The following VPS13C variants were observed in gnomAD, a reference collection of about 807,000 sequenced individuals.
VPS13C encodes vacuolar protein sorting 13 homolog C.
In VPS13C, 358 loss-of-function variants were observed where a neutral mutation model predicts 456.8. The observed-to-expected ratio is 0.78, with a 90% CI of 0.72 to 0.86. VPS13C has a LOEUF of 0.86. VPS13C is among the 40% of genes least tolerant of loss of function. VPS13C has a pLI of 0.00. For missense variants in VPS13C, 4,818 were observed against 4,385.4 expected (o/e 1.10, Z -2.79); for synonymous variants, 1,578 against 1,486.7 (o/e 1.06, Z -1.41).
At chr15:61,989,853 A>G (rs2046169683) in intron 18 of VPS13C, among the ~76,000 whole-genome samples, 1 of 152,192 alleles carries the variant, frequency 6.6e-6, no homozygotes, top group South Asian at 2.1e-4. Context: ...AGTGTTTTCC[A>G]CATTGGAAAA....
intron 6 of VPS13C, among the ~76,000 whole-genome samples, chr15:62,027,282 G>A (rs780827834): frequency 5.9e-5 from 9 of 151,818 alleles, no homozygotes; most frequent in Non-Finnish European, 1.0e-4. Flanking sequence ...TTCTTTTACG[G>A]TGACAGCTGT....
intron 53 of VPS13C, 73 bp from the exon 54 acceptor site, chr15:61,922,835 T>A (rs2043706484): frequency 8.5e-7 from 1 of 1,169,876 alleles, no homozygotes; most frequent in African/African-American, 1.6e-5. Flanking sequence ...TACATGATTT[T>A]AAGTGACATA....
intron 20 of VPS13C, among the ~76,000 whole-genome samples, 169 bp from the exon 21 acceptor site, chr15:61,982,742 G>A (rs966956355): frequency 6.6e-6 from 1 of 152,196 alleles, no homozygotes; most frequent in South Asian, 2.1e-4. Context: ...CTGGAGAAAG[G>A]AAGAGCCTAA....
intron 69 of VPS13C, among the ~76,000 whole-genome samples, chr15:61,882,063 T>G (rs1596286974): frequency 6.6e-6 from 1 of 151,912 alleles, no homozygotes; most frequent in African/African-American, 2.4e-5. Flanking sequence ...GTGTGCAGTA[T>G]GTACATCATT....
In VPS13C at chr15:61,925,485, T is replaced by G. The variant is rs747236478; in HGVS notation, c.6580A>C (p.Asn2194His). ...ATTATAAATTCTTTAACCATAATAT[T>G]TATATTTTGCTTTCCTGAAGCCCAC... ...CTWASGKQNI[N>H]IMVKEFIIKI... The change falls in exon 53 of 85, where the codon AAT (asparagine) becomes CAT (histidine). Residue 2194 changes from asparagine to histidine, a missense_variant. By Grantham distance (68) the Asn-to-His change is moderately conservative. Around this residue, in one of 3 missense-constraint regions of VPS13C, gnomAD observed 4,552 missense variants for 4,130.6 expected, o/e 1.10. Transcript: ENST00000644861. 1 of 1,599,918 alleles carries G rather than the reference T, an allele frequency of 6.3e-7. No homozygotes were observed. The highest frequency in any genetic ancestry group is 8.5e-7 in the Non-Finnish European group (1 of 1,172,170).
chr15:62,045,978 C>G (rs1362368613), intron 1 of VPS13C, among the ~76,000 whole-genome samples: 2 of 152,076 alleles, frequency 1.3e-5, no homozygotes, highest in African/African-American at 4.8e-5. Flanking sequence ...GCATTCCACA[C>G]ATACATAGAA....
chr15:61,927,062 C>T, intron 52 of VPS13C, 29 bp downstream of exon 52: 2 of 1,593,316 alleles, frequency 1.3e-6, no homozygotes, highest in Admixed American at 1.7e-5. Context: ...ATTCTTCAAC[C>T]CAAGATTAGG....
chr15:62,059,588 C>T (rs1374773937), intron 1 of VPS13C, among the ~76,000 whole-genome samples: 1 of 152,176 alleles, frequency 6.6e-6, no homozygotes, highest in Non-Finnish European at 1.5e-5. Flanking sequence ...TAATTAATGA[C>T]GATGCTGGTC....
At chr15:61,920,863 G>A (rs1040672455) in intron 55 of VPS13C, among the ~76,000 whole-genome samples, 15 of 151,988 alleles carry the variant, frequency 9.9e-5, no homozygotes, top group African/African-American at 2.4e-4. Context: ...TTAGAATTAC[G>A]CCATGAAATT....
intron 84 of VPS13C, 46 bp downstream of exon 84, chr15:61,854,825 G>GT (rs1893818082): frequency 1.3e-6 from 2 of 1,526,880 alleles, no homozygotes; most frequent in Non-Finnish European, 1.8e-6. Flanking sequence ...TTTTAAAAAA[G>GT]TATTTCAGCT....
intron 9 of VPS13C, among the ~76,000 whole-genome samples, chr15:62,019,179 T>G (rs569294144): frequency 7.9e-5 from 12 of 152,330 alleles, no homozygotes; most frequent in African/African-American, 2.6e-4. Flanking sequence ...TCTTCTCTCT[T>G]TTCTCCTTTA....
chr15:61,993,061 A>G (rs1337795898), intron 16 of VPS13C, among the ~76,000 whole-genome samples: 2 of 152,268 alleles, frequency 1.3e-5, no homozygotes, highest in East Asian at 3.9e-4. Flanking sequence ...ATATCATCTG[A>G]GTTTTTCCAC....
Position 61,966,118 on chromosome 15 carries a change from G to T in VPS13C, c.3016C>A (p.Gln1006Lys). The T allele has an allele frequency of 1.2e-6, 2 of 1,605,616 alleles. No individual in the cohort carries two copies. The highest frequency in any genetic ancestry group is 1.1e-5 in the South Asian group (1 of 89,696). The change falls in exon 30 of 85, where the codon CAA becomes AAA. Residue 1006 changes from glutamine (Q) to lysine (K), a missense_variant. Coordinates refer to ENST00000644861, the MANE Select transcript of VPS13C (RefSeq NM_020821.3). ...IKADKNGPSFQTAFGKTEQTV... is the reference protein window; with the variant it reads ...IKADKNGPSFKTAFGKTEQTV... ...TGTTCAGTTTTTCCAAAAGCAGTTT[G>T]AAAACTAGGTCCATTCTTATCAGCC...
chr15:62,032,842 A>C (rs1042776743), intron 5 of VPS13C, among the ~76,000 whole-genome samples: 7 of 151,812 alleles, frequency 4.6e-5, no homozygotes, highest in Non-Finnish European at 1.0e-4. Flanking sequence ...CACTCTATAG[A>C]CTACTCTTTT....
rs149710203 is a variant in VPS13C, at chr15:62,015,024, T to A, written c.685-1032A>T. The stretch of plus-strand genomic sequence containing the variant: ...AAACAGCAGCAAACACTAAGGAAAC[T>A]ACCCATTCTTATGCAATAGTATACC... On this transcript the variant is annotated intron_variant, in intron 9 of 84. Transcript: ENST00000644861. 1.5e-3 allele frequency among the ~76,000 whole-genome samples: 232 copies of A among 152,190 alleles called. 1 individual carries two copies. Among genetic ancestry groups the A allele is most frequent in the Middle Eastern group, 0.01 (3 of 294 alleles).
chr15:61,884,122 G>T lies in VPS13C; in HGVS notation c.9483+6C>A. 5 of 1,553,202 alleles carry T rather than the reference G, an allele frequency of 3.2e-6. No homozygotes were observed. The highest frequency in any genetic ancestry group is 2.1e-5 in the Admixed American group (1 of 48,432). Reference sequence around the variant, plus strand: ...TAAAAATCAAAACAAAAGAATTTTGGTATACCTCAAAATTATTATCTAGCT... The same window carrying T: ...TAAAAATCAAAACAAAAGAATTTTGTTATACCTCAAAATTATTATCTAGCT... On this transcript the variant is annotated splice_donor_region_variant and intron_variant, in intron 68 of 84. Transcript: ENST00000644861.
At chr15:61,876,523 A>C (rs1895437472) in intron 75 of VPS13C, among the ~76,000 whole-genome samples, 1 of 151,996 alleles carries the variant, frequency 6.6e-6, no homozygotes, top group Non-Finnish European at 1.5e-5. Context: ...AGGAAAGGAG[A>C]TGTCACCATG....
At chr15:62,028,478 T>C (rs1307626252) in intron 5 of VPS13C, 58 bp from the exon 6 acceptor site, 4 of 1,505,284 alleles carry the variant, frequency 2.7e-6, no homozygotes, top group African/African-American at 1.4e-5. Flanking sequence ...ACACCTTTAA[T>C]TTCACATGTA....
rs1233361036 is a variant in VPS13C, at chr15:61,883,026, CT to C, written c.9484-291del. On this transcript the variant is annotated intron_variant, in intron 68 of 84. Transcript: ENST00000644861. ...AAGTAACGAATAGTTCCAGATAATT[CT>C]TTCTTTCCTTTTCTTTTTTTTTTGA... is the stretch of plus-strand genomic sequence containing the variant. Among the ~76,000 whole-genome samples, 2 of 151,620 alleles carry C rather than the reference CT, an allele frequency of 1.3e-5. 1 individual carries two copies. Among genetic ancestry groups the C allele is most frequent in the Non-Finnish European group, 2.9e-5 (2 of 67,896 alleles).
Sources: allele counts gnomAD v4.1 joint callset (sites outside exome capture counted in the v4.1 genomes callset), GRCh38; gene constraint gnomAD v4.1.1; regional missense constraint gnomAD v4.1.1; transcripts MANE v1.5; gene names NCBI Gene and HGNC (gene_info 2026-07-23, HGNC 2026-07-21).